OGDHL: variants seen among roughly 807,000 people sequenced by gnomAD.
The protein encoded by OGDHL is oxoglutarate dehydrogenase L.
OGDHL carries 79 observed loss-of-function variants against 109.6 expected under a neutral mutation model. That is an observed-to-expected ratio of 0.72 (90% CI 0.60 to 0.87). OGDHL has a LOEUF of 0.87. Among genes scored for constraint, OGDHL ranks in the 40% least tolerant of loss-of-function variants. OGDHL has a pLI of 0.00. For missense variants in OGDHL, 1,275 were observed against 1,362.2 expected, an observed-to-expected ratio of 0.94 and a Z score of 1.01; for synonymous variants, 528 against 537.2, an observed-to-expected ratio of 0.98 and a Z score of 0.24.
At position 49,737,800 on chromosome 10, in the gene OGDHL, T is replaced by A. The variant is rs190309527; in HGVS notation, c.2576A>T (p.Asp859Val). 3 of 1,613,976 alleles carry A rather than the reference T, an allele frequency of 1.9e-6. No homozygotes were observed. In the African/African-American group the frequency reaches 4.0e-5, roughly 22 times the overall value. ...LRHPEAKSSF[D>V]QMVSGTSFQR... ...CAGGCACGTACCGGATACCATTTGG[T>A]CAAAGCTGGACTTGGCCTCTGGGTG... Residue 859 changes from aspartate (D) to valine (V), a missense_variant, in exon 20 of 23, where the codon GAC (aspartate) becomes GTC (valine). Physicochemically the swap from Asp to Val is radical, Grantham distance 152. Coordinates refer to ENST00000374103, the MANE Select transcript of OGDHL (RefSeq NM_018245.3).
In OGDHL at chr10:49,736,367, C is replaced by T. The variant is rs554687335; in HGVS notation, c.2744G>A (p.Arg915His). ...GGGGTTCAGGCACACCTGCTCCAGG[C>T]GCGTGATGGCCACTTTCTCCTCCAG... is the stretch of plus-strand genomic sequence containing the variant. ...QDLEEKVAIT[R>H]LEQISPFPFD... is the part of the protein sequence containing the mutation. The change falls in exon 21 of 23, where the codon CGC becomes CAC. Residue 915 changes from arginine to histidine, a missense_variant. Arg to His is a conservative substitution (Grantham distance 29, BLOSUM62 0). Coordinates refer to ENST00000374103, the MANE Select transcript of OGDHL (RefSeq NM_018245.3). The T allele has an allele frequency of 3.1e-5, 50 of 1,614,110 alleles. No individual in the cohort carries two copies. The highest frequency in any genetic ancestry group is 4.4e-5 in the South Asian group (4 of 91,086).
At chr10:49,747,293 C>T in intron 8 of OGDHL, 85 bp from the exon 9 acceptor site, 2 of 1,439,434 alleles carry the variant, frequency 1.4e-6, no homozygotes, top group East Asian at 2.3e-5. Flanking sequence ...AGCCCACAGT[C>T]AGGCTGGCAC....
chr10:49,739,353 G>C, intron 17 of OGDHL: 1 of 302,298 alleles, frequency 3.3e-6, no homozygotes, highest in Non-Finnish European at 6.1e-6. Flanking sequence ...TTCCTCATCT[G>C]AAAAGCAGGA....
rs768582553 is a variant in OGDHL at position 49,736,163 on chromosome 10, G to A, written c.2769C>T (p.Pro923=). 1.1e-5 allele frequency: 17 copies of A among 1,596,966 alleles called. No homozygotes were observed. The African/African-American group carries it at 1.6e-4, about 15-fold the overall frequency. Residue 923 remains proline, a synonymous_variant, in exon 22 of 23, where the codon CCC becomes CCT. Transcript: ENST00000374103. Reference sequence around the variant, plus strand: ...CTGCCTCCTGCTTGATCAGGTCGAAGGGGAATGGAGAGATCTGGGGAGGCA... The same window carrying A: ...CTGCCTCCTGCTTGATCAGGTCGAAAGGGAATGGAGAGATCTGGGGAGGCA... The part of the protein sequence containing the change: ...ITRLEQISPF[P]FDLIKQEAEK...
chr10:49,754,767 A>G (rs1330430773), intron 3 of OGDHL, among the ~76,000 whole-genome samples: 1 of 152,064 alleles, frequency 6.6e-6, no homozygotes, highest in Non-Finnish European at 1.5e-5. Flanking sequence ...GACAGATGAA[A>G]TGACATCATG....
chr10:49,758,302 G>C, intron 2 of OGDHL, 87 bp downstream of exon 2: 1 of 1,344,130 alleles, frequency 7.4e-7, no homozygotes, highest in Non-Finnish European at 1.0e-6. Context: ...CAGCAGGCAA[G>C]CTGCTTCTCC....
At position 49,740,854 on chromosome 10, in the gene OGDHL, C is replaced by G; in HGVS notation, c.2013-17G>C. 6.2e-7 allele frequency: 1 copy of G among 1,613,394 alleles called. No individual in the cohort carries two copies. The highest frequency in any genetic ancestry group is 8.5e-7 in the Non-Finnish European group (1 of 1,179,664). ...TGCCGGTGACTGCAGAGACACAGAC[C>G]GGGGCAGGGACAGAGGGCAGGTGGG... On this transcript the variant is annotated splice_polypyrimidine_tract_variant and intron_variant, in intron 15 of 22. Transcript: ENST00000374103.
At chr10:49,759,404 A>T (rs1843128131) in intron 1 of OGDHL, among the ~76,000 whole-genome samples, 1 of 151,752 alleles carries the variant, frequency 6.6e-6, no homozygotes, top group South Asian at 2.1e-4. Context: ...GACCACGGGG[A>T]ACCAGGCCCT....
intron 8 of OGDHL, 115 bp from the exon 9 acceptor site, chr10:49,747,323 C>T: frequency 9.1e-7 from 1 of 1,104,740 alleles, no homozygotes; most frequent in Non-Finnish European, 1.3e-6. Flanking sequence ...ATCCCACTGC[C>T]TCAGAGGGCC....
chr10:49,744,059 T>C lies in OGDHL; in HGVS notation c.1796A>G (p.Asp599Gly), dbSNP rs1295851549. 6.2e-7 allele frequency: 1 copy of C among 1,614,160 alleles called. No individual in the cohort carries two copies. The highest frequency in any genetic ancestry group is 8.5e-7 in the Non-Finnish European group (1 of 1,180,000). ...MTCPATGIPE[D>G]MLTHIGSVAS... The stretch of plus-strand genomic sequence containing the variant: ...CACACTGCCGATGTGGGTGAGCATG[T>C]CCTCAGGGATCCCCGTGGCTGGGCA... The change falls in exon 14 of 23, where the codon GAC (aspartate) becomes GGC (glycine). Residue 599 changes from aspartate (D) to glycine (G), a missense_variant. Transcript: ENST00000374103.
intron 2 of OGDHL, among the ~76,000 whole-genome samples, chr10:49,757,736 G>A (rs967367688): frequency 6.6e-6 from 1 of 152,308 alleles, no homozygotes; most frequent in African/African-American, 2.4e-5. Flanking sequence ...ATCACCAAGC[G>A]AAAACAGCAG....
rs143327247 is a variant in OGDHL at position 49,737,506 on chromosome 10, G to A, written c.2590+280C>T. ...GAATGAATGATACTCAATATCTTGC[G>A]AACTCAGCAGGCCTCTGCCAGGCCT... On this transcript the variant is annotated intron_variant, in intron 20 of 22. Coordinates refer to ENST00000374103, the MANE Select transcript of OGDHL (RefSeq NM_018245.3). Among the ~76,000 whole-genome samples, 20 of 152,308 alleles carry A rather than the reference G, an allele frequency of 1.3e-4. 1 individual carries two copies. Among genetic ancestry groups the A allele is most frequent in the South Asian group, 6.2e-4 (3 of 4,818 alleles).
chr10:49,739,663 T>A lies in OGDHL; in HGVS notation c.2317A>T (p.Met773Leu), dbSNP rs1841493134. The change falls in exon 17 of 23, where the codon ATG (methionine) becomes TTG (leucine). Residue 773 changes from methionine (M) to leucine (L), a missense_variant and splice_region_variant. Coordinates refer to ENST00000374103, the MANE Select transcript of OGDHL (RefSeq NM_018245.3). ...CCAGCCACCACCGCAGCCCTCACCA[T>A]GCCTTCCATGCCATGGGGCAGCAGC... is the stretch of plus-strand genomic sequence containing the variant. ...VLLLPHGMEGMGPEHSSARPE... is the reference protein window; with the variant it reads ...VLLLPHGMEGLGPEHSSARPE... 3 of 1,612,962 alleles carry A rather than the reference T, an allele frequency of 1.9e-6. No individual in the cohort carries two copies. The highest frequency in any genetic ancestry group is 1.7e-4 in the Middle Eastern group (1 of 6,050).
chr10:49,758,750 C>A (rs765275032), intron 1 of OGDHL, 157 bp from the exon 2 acceptor site: 1 of 715,710 alleles, frequency 1.4e-6, no homozygotes, highest in African/African-American at 1.9e-5. Flanking sequence ...ACTCTCCCAG[C>A]CCCCTGGGCT....
At chr10:49,735,579 C>A (rs1160490474) in intron 22 of OGDHL, among the ~76,000 whole-genome samples, 1 of 152,236 alleles carries the variant, frequency 6.6e-6, no homozygotes, top group East Asian at 1.9e-4. Flanking sequence ...TGTCACTGCA[C>A]TTGCCCATGA....
intron 1 of OGDHL, among the ~76,000 whole-genome samples, chr10:49,760,852 G>A (rs1459413779): frequency 6.6e-6 from 1 of 152,254 alleles, no homozygotes; most frequent in African/African-American, 2.4e-5. Flanking sequence ...CCCATCAGCT[G>A]AGCCAGAGCT....
chr10:49,756,729 C>A (rs779691520), intron 3 of OGDHL, 47 bp downstream of exon 3: 2 of 1,568,362 alleles, frequency 1.3e-6, no homozygotes, highest in East Asian at 2.3e-5. Context: ...TGGCCACACC[C>A]CAGGAGCCAG....
rs1278831505 is a variant in OGDHL, at chr10:49,740,844, A to G, written c.2013-7T>C. On this transcript the variant is annotated splice_polypyrimidine_tract_variant and splice_region_variant and intron_variant, in intron 15 of 22. Transcript: ENST00000374103. ...GAGAACATGGTGCCGGTGACTGCAGAGACACAGACCGGGGCAGGGACAGAG... is the reference window on the plus strand; with the variant it reads ...GAGAACATGGTGCCGGTGACTGCAGGGACACAGACCGGGGCAGGGACAGAG... 4.3e-6 allele frequency: 7 copies of G among 1,613,664 alleles called. No homozygotes were observed. The East Asian group carries it at 1.6e-4, about 36-fold the overall frequency.
intron 18 of OGDHL, 50 bp downstream of exon 18, chr10:49,738,141 G>A (rs1564523566): frequency 6.2e-7 from 1 of 1,613,952 alleles, no homozygotes; most frequent in Non-Finnish European, 8.5e-7. Context: ...CCCTAGCCCT[G>A]TGGGCACAAT....
Sources: gnomAD v4.1 joint callset for allele counts (sites outside exome capture counted in the v4.1 genomes callset) on GRCh38, gnomAD v4.1.1 for gene constraint, MANE v1.5 for transcripts, NCBI Gene and HGNC (gene_info 2026-07-23, HGNC 2026-07-21) for gene names.